Variants in CSMD1 observed in about 807,000 individuals in gnomAD.
CSMD1 encodes the protein CUB and Sushi multiple domains 1.
In CSMD1, 213 loss-of-function variants were observed where a neutral mutation model predicts 417.5. That is an observed-to-expected ratio of 0.51 (90% confidence interval 0.46 to 0.57). The LOEUF is 0.57. Among genes scored for constraint, CSMD1 ranks in the 20% least tolerant of loss-of-function variants. CSMD1 has a pLI of 0.00. For missense variants in CSMD1, 6,923 were observed against 4,529.7 expected (o/e 1.53, Z -15.17); for synonymous variants, 2,862 against 1,736.8 (o/e 1.65, Z -16.11).
Position 4,914,613 on chromosome 8 carries a change from G to C in CSMD1, c.85+79719C>G, listed in dbSNP as rs532717700. 2.8e-3 allele frequency among the ~76,000 whole-genome samples: 416 copies of C among 149,134 alleles called. 2 individuals are homozygous for C. Among genetic ancestry groups the C allele is most frequent in the Non-Finnish European group, 5.4e-3 (361 of 67,456 alleles). On this transcript the variant is annotated intron_variant, in intron 1 of 69. Coordinates refer to ENST00000635120, the MANE Select transcript of CSMD1 (RefSeq NM_033225.6). Reference sequence around the variant, plus strand: ...AAAAAAAAAAAAAAAATAGAAGATAGAAATATAACGGTCGCCTTTAACTTC... The same window carrying C: ...AAAAAAAAAAAAAAAATAGAAGATACAAATATAACGGTCGCCTTTAACTTC...
At chr8:3,194,780 T>A (rs2129052314) in intron 33 of CSMD1, among the ~76,000 whole-genome samples, 1 of 152,116 alleles carries the variant, frequency 6.6e-6, no homozygotes, top group Non-Finnish European at 1.5e-5. Flanking sequence ...TAATTAACTA[T>A]ATTTCCATGA....
chr8:4,475,087 T>A (rs1355815731), intron 2 of CSMD1, among the ~76,000 whole-genome samples: 1 of 152,192 alleles, frequency 6.6e-6, no homozygotes, highest in African/African-American at 2.4e-5. Context: ...TATTTATTTT[T>A]AAGCATTTGA....
intron 5 of CSMD1, among the ~76,000 whole-genome samples, chr8:3,934,885 A>T (rs149485520): frequency 6.6e-6 from 1 of 152,112 alleles, no homozygotes; most frequent in Admixed American, 6.6e-5. Flanking sequence ...AACAATTGGT[A>T]TATCTGTTTG....
chr8:3,085,808 C>G (rs1288738954), intron 49 of CSMD1, among the ~76,000 whole-genome samples: 1 of 152,128 alleles, frequency 6.6e-6, no homozygotes, highest in Non-Finnish European at 1.5e-5. Flanking sequence ...CTTGCATATC[C>G]ATCAGAAAGA....
chr8:3,090,088 C>G (rs922113029), intron 48 of CSMD1, among the ~76,000 whole-genome samples: 12 of 151,504 alleles, frequency 7.9e-5, no homozygotes, highest in Admixed American at 3.9e-4. Context: ...GCCGAGGCGG[C>G]CGGATCACAA....
intron 1 of CSMD1, among the ~76,000 whole-genome samples, chr8:4,640,643 C>G (rs567754692): frequency 6.6e-6 from 1 of 152,062 alleles, no homozygotes; most frequent in Non-Finnish European, 1.5e-5. Flanking sequence ...CAGCTTCAAA[C>G]AAGTGGATTA....
chr8:4,368,133 G>A (rs1656127219), intron 3 of CSMD1, among the ~76,000 whole-genome samples: 1 of 151,978 alleles, frequency 6.6e-6, no homozygotes, highest in African/African-American at 2.4e-5. Flanking sequence ...TCAGTATGGT[G>A]TTCATAGATG....
At chr8:4,907,683 A>G (rs1042402013) in intron 1 of CSMD1, among the ~76,000 whole-genome samples, 1 of 151,708 alleles carries the variant, frequency 6.6e-6, no homozygotes, top group African/African-American at 2.4e-5. Flanking sequence ...GTCAACTACT[A>G]GAGTAGCTGG....
intron 3 of CSMD1, among the ~76,000 whole-genome samples, chr8:4,076,576 T>C (rs970415630): frequency 6.6e-6 from 1 of 152,202 alleles, no homozygotes; most frequent in African/African-American, 2.4e-5. Flanking sequence ...TGAAATAATA[T>C]ATTAAGGATT....
chr8:4,937,020 G>A (rs1807666044), intron 1 of CSMD1, among the ~76,000 whole-genome samples: 1 of 152,082 alleles, frequency 6.6e-6, no homozygotes, highest in Admixed American at 6.6e-5. Flanking sequence ...AGACCAGCCT[G>A]GCCAAAATAA....
chr8:3,131,171 A>C (rs1817772754), intron 41 of CSMD1, among the ~76,000 whole-genome samples: 1 of 152,206 alleles, frequency 6.6e-6, no homozygotes, highest in Non-Finnish European at 1.5e-5. Context: ...CGATAAAGCA[A>C]AATTTGTGGC....
At chr8:3,457,389 G>A (rs1432803124) in intron 12 of CSMD1, among the ~76,000 whole-genome samples, 1 of 152,116 alleles carries the variant, frequency 6.6e-6, no homozygotes, top group Non-Finnish European at 1.5e-5. Flanking sequence ...AGTCTCAGAT[G>A]GCACAAACTT....
At chr8:3,164,744 T>C (rs1242381348) in intron 37 of CSMD1, among the ~76,000 whole-genome samples, 1 of 152,176 alleles carries the variant, frequency 6.6e-6, no homozygotes, top group Non-Finnish European at 1.5e-5. Flanking sequence ...GAACGAAGAA[T>C]ATCGATTACA....
intron 52 of CSMD1, among the ~76,000 whole-genome samples, chr8:3,004,074 C>T (rs1807661358): frequency 1.3e-5 from 2 of 152,054 alleles, no homozygotes; most frequent in African/African-American, 4.8e-5. Flanking sequence ...ATAAGCAACT[C>T]TATTCACTGA....
At chr8:3,493,819 T>C in intron 10 of CSMD1, 93 bp from the exon 11 acceptor site, 1 of 1,101,586 alleles carries the variant, frequency 9.1e-7, no homozygotes, top group South Asian at 1.5e-5. Flanking sequence ...ACTGTTAAAT[T>C]TTGCTCCTTA....
rs1807587579 is a variant in CSMD1 at position 3,899,529 on chromosome 8, G to A, written c.818+98374C>T. On this transcript the variant is annotated intron_variant, in intron 5 of 69. Coordinates refer to ENST00000635120, the MANE Select transcript of CSMD1 (RefSeq NM_033225.6). ...TCATTTTGGATGCTGTCATAAGGAA[G>A]TGGAAAAACATCTAAGGACATTAAA... Among the ~76,000 whole-genome samples, 4 of 152,280 alleles carry A rather than the reference G, an allele frequency of 2.6e-5. No homozygotes were observed. In the South Asian group the frequency reaches 8.3e-4, roughly 32 times the overall value.
At chr8:4,226,356 G>A (rs982955931) in intron 3 of CSMD1, among the ~76,000 whole-genome samples, 4 of 152,160 alleles carry the variant, frequency 2.6e-5, no homozygotes, top group African/African-American at 4.8e-5. Flanking sequence ...GTATTTATCT[G>A]ACATACCATT....
rs1585110611 is a variant in CSMD1, at chr8:2,993,928, G to A, written c.8377+4083C>T. 2.7e-5 allele frequency among the ~76,000 whole-genome samples: 4 copies of A among 150,936 alleles called. No homozygotes were observed. In the South Asian group the frequency reaches 8.4e-4, roughly 32 times the overall value. On this transcript the variant is annotated intron_variant, in intron 54 of 69. Transcript: ENST00000635120. Reference sequence around the variant, plus strand: ...ACTCCTGTAATCCCAGCACTTTGGTGAGGTCAGGAATTCAAGACCAGCCTG... The same window carrying A: ...ACTCCTGTAATCCCAGCACTTTGGTAAGGTCAGGAATTCAAGACCAGCCTG...
intron 26 of CSMD1, among the ~76,000 whole-genome samples, chr8:3,268,066 G>A (rs1344469753): frequency 6.6e-6 from 1 of 152,048 alleles, no homozygotes; most frequent in East Asian, 1.9e-4. Context: ...GCCTTCCACA[G>A]CATTGATCTC....
Sources: gnomAD v4.1 joint callset for allele counts (sites outside exome capture counted in the v4.1 genomes callset) on GRCh38, gnomAD v4.1.1 for gene constraint, MANE v1.5 for transcripts, NCBI Gene and HGNC (gene_info 2026-07-23, HGNC 2026-07-21) for gene names.